Variants in TMEM117 observed in about 807,000 individuals in gnomAD.
TMEM117 encodes transmembrane protein 117.
TMEM117 carries 27 observed loss-of-function variants against 52.4 expected under a neutral mutation model. The observed-to-expected ratio is 0.51, with a 90% CI of 0.38 to 0.71. TMEM117 has a LOEUF of 0.71. Among genes scored for constraint, TMEM117 ranks in the 30% least tolerant of loss-of-function variants. The pLI, the probability that TMEM117 is intolerant of heterozygous loss-of-function variation, is 0.00. For missense variants in TMEM117, 556 were observed against 630.5 expected (o/e 0.88, Z 1.26); for synonymous variants, 215 against 206.3 (o/e 1.04, Z -0.36).
the TMEM117 span, among the ~76,000 whole-genome samples, chr12:43,814,600 T>C: frequency 6.6e-6 from 1 of 152,110 alleles, no homozygotes; most frequent in Admixed American, 6.6e-5. Context: ...AGGAGCTCAT[T>C]CACTGATTCA....
chr12:43,989,493 C>T (rs968096442), intron 3 of TMEM117, among the ~76,000 whole-genome samples: 8 of 151,892 alleles, frequency 5.3e-5, no homozygotes, highest in African/African-American at 9.7e-5. Context: ...TTGTTCTACC[C>T]GTGGCTGGTT....
Position 44,286,792 on chromosome 12 carries a change from A to G in TMEM117, c.609-12788A>G, listed in dbSNP as rs1950644344. 2.6e-5 allele frequency among the ~76,000 whole-genome samples: 4 copies of G among 152,190 alleles called. 1 individual carries two copies. In the South Asian group the frequency reaches 8.3e-4, roughly 32 times the overall value. On this transcript the variant is annotated intron_variant, in intron 5 of 7. Coordinates refer to ENST00000266534, the MANE Select transcript of TMEM117 (RefSeq NM_032256.3). The stretch of plus-strand genomic sequence containing the variant: ...AATAAACAATTGAGTAGGCTCTAAA[A>G]TGCATGTTTCCAACAAATGATATCA...
intron 6 of TMEM117, among the ~76,000 whole-genome samples, chr12:44,355,779 G>T (rs1951639563): frequency 6.6e-6 from 1 of 152,020 alleles, no homozygotes; most frequent in African/African-American, 2.4e-5. Flanking sequence ...ATAAGCAGGG[G>T]TACATAGAAC....
At chr12:43,864,613 G>A (rs556627111) in intron 2 of TMEM117, among the ~76,000 whole-genome samples, 1 of 152,160 alleles carries the variant, frequency 6.6e-6, no homozygotes, top group South Asian at 2.1e-4. Flanking sequence ...CTAATCTAGT[G>A]GGGACGTGGA....
chr12:43,833,611 A>G (rs561551333), upstream of TMEM117, among the ~76,000 whole-genome samples: 1 of 152,194 alleles, frequency 6.6e-6, no homozygotes, highest in South Asian at 2.1e-4. Flanking sequence ...TGGGCAACGT[A>G]GACCCTGTCT....
At chr12:44,268,509 T>A (rs1950407139) in intron 5 of TMEM117, among the ~76,000 whole-genome samples, 1 of 152,108 alleles carries the variant, frequency 6.6e-6, no homozygotes, top group Non-Finnish European at 1.5e-5. Context: ...ATACTACATA[T>A]GTATGAGTTT....
At position 44,153,119 on chromosome 12, in the gene TMEM117, A is replaced by G. The variant is rs1948779125; in HGVS notation, c.510+9495A>G. Among the ~76,000 whole-genome samples the G allele has an allele frequency of 3.3e-5, 5 of 151,832 alleles. No homozygotes were observed. The South Asian group carries it at 8.3e-4, about 25-fold the overall frequency. ...TCTCAGCTAATATTAATGAGTACTC[A>G]TTTTATTGTATCATTAACTTTATAT... On this transcript the variant is annotated intron_variant, in intron 4 of 7. Coordinates refer to ENST00000266534, the MANE Select transcript of TMEM117 (RefSeq NM_032256.3).
chr12:43,911,908 A>G (rs1205115635), intron 2 of TMEM117, among the ~76,000 whole-genome samples: 1 of 145,746 alleles, frequency 6.9e-6, no homozygotes, highest in Admixed American at 7.0e-5. Flanking sequence ...GGGACTGTAA[A>G]CTAGTTCAAC....
At chr12:43,979,707 A>G (rs758631587) in intron 3 of TMEM117, among the ~76,000 whole-genome samples, 17 of 152,178 alleles carry the variant, frequency 1.1e-4, no homozygotes, top group Non-Finnish European at 2.2e-4. Flanking sequence ...CATTTGCAAG[A>G]TCTTTTGGGA....
intron 3 of TMEM117, among the ~76,000 whole-genome samples, chr12:44,021,730 GC>G (rs1468488093): frequency 6.6e-6 from 1 of 152,162 alleles, no homozygotes; most frequent in East Asian, 1.9e-4. Context: ...ATAGTTTGCT[GC>G]TGAATGCCCT....
intron 6 of TMEM117, among the ~76,000 whole-genome samples, chr12:44,310,634 G>A (rs1592683373): frequency 1.3e-5 from 2 of 152,196 alleles, no homozygotes; most frequent in South Asian, 2.1e-4. Context: ...GCGAAACTCC[G>A]TCTCTCACAA....
At chr12:43,853,412 A>G (rs1943344797) in intron 2 of TMEM117, among the ~76,000 whole-genome samples, 2 of 152,148 alleles carry the variant, frequency 1.3e-5, no homozygotes, top group Non-Finnish European at 2.9e-5. Flanking sequence ...AGTAGCTGGA[A>G]TTACAGGCAC....
At chr12:44,345,485 A>G (rs1475643501) in intron 6 of TMEM117, among the ~76,000 whole-genome samples, 1 of 152,148 alleles carries the variant, frequency 6.6e-6, no homozygotes, top group Non-Finnish European at 1.5e-5. Context: ...AAAACAGATA[A>G]AACACATATT....
intron 2 of TMEM117, among the ~76,000 whole-genome samples, chr12:43,929,686 A>G (rs1565755879): frequency 6.6e-6 from 1 of 152,162 alleles, no homozygotes; most frequent in Non-Finnish European, 1.5e-5. Context: ...ACATTCACAC[A>G]ATCACTGTTT....
At chr12:44,303,440 A>T (rs1254816522) in intron 6 of TMEM117, among the ~76,000 whole-genome samples, 1 of 152,202 alleles carries the variant, frequency 6.6e-6, no homozygotes, top group Non-Finnish European at 1.5e-5. Context: ...TTAGCAGGCC[A>T]GTTCTGAATA....
At chr12:44,138,181 T>C (rs1351035524) in intron 3 of TMEM117, among the ~76,000 whole-genome samples, 1 of 152,102 alleles carries the variant, frequency 6.6e-6, no homozygotes, top group Non-Finnish European at 1.5e-5. Flanking sequence ...GTTTCTTTGC[T>C]AGAAATCCCC....
intron 2 of TMEM117, among the ~76,000 whole-genome samples, chr12:43,898,324 G>A (rs1944245761): frequency 1.3e-5 from 2 of 150,712 alleles, no homozygotes; most frequent in Admixed American, 6.6e-5. Context: ...GTATTTTAGT[G>A]TCAAGCTGGA....
At chr12:43,939,385 A>G (rs1272402247) in intron 2 of TMEM117, among the ~76,000 whole-genome samples, 1 of 152,130 alleles carries the variant, frequency 6.6e-6, no homozygotes, top group African/African-American at 2.4e-5. Flanking sequence ...TATATTTCCT[A>G]GTCAGGGTCT....
intron 5 of TMEM117, among the ~76,000 whole-genome samples, chr12:44,216,541 G>A (rs995579863): frequency 6.6e-6 from 1 of 152,136 alleles, no homozygotes; most frequent in African/African-American, 2.4e-5. Context: ...CTGCCATAAC[G>A]GAAAGCTGAA....
Sources: allele counts gnomAD v4.1 joint callset (sites outside exome capture counted in the v4.1 genomes callset), GRCh38; gene constraint gnomAD v4.1.1; transcripts MANE v1.5; gene names NCBI Gene and HGNC (gene_info 2026-07-23, HGNC 2026-07-21).